Variants in LDLRAD4 observed in about 807,000 individuals in gnomAD.
LDLRAD4 encodes the protein low-density lipoprotein receptor class A domain-containing protein 4.
A neutral mutation model predicts 17.0 loss-of-function variants in LDLRAD4; 5 were observed. The observed-to-expected ratio is 0.29, with a 90% CI of 0.15 to 0.62. LDLRAD4 has a LOEUF of 0.62. LDLRAD4 is among the 20% of genes least tolerant of loss of function. The pLI, the probability that LDLRAD4 is intolerant of heterozygous loss-of-function variation, is 0.84. For missense variants in LDLRAD4, 340 were observed against 424.7 expected, an observed-to-expected ratio of 0.80 and a Z score of 1.75; for synonymous variants, 168 against 171.8, an observed-to-expected ratio of 0.98 and a Z score of 0.17.
At chr18:13,504,575 G>A (rs940010342) in intron 3 of LDLRAD4, among the ~76,000 whole-genome samples, 1 of 152,138 alleles carries the variant, frequency 6.6e-6, no homozygotes, top group African/African-American at 2.4e-5. Flanking sequence ...TTACAGGCAT[G>A]CGCTATCACG....
intron 1 of LDLRAD4, among the ~76,000 whole-genome samples, chr18:13,231,084 C>T (rs1467379136): frequency 1.3e-5 from 2 of 152,150 alleles, no homozygotes; most frequent in Admixed American, 6.5e-5. Flanking sequence ...CAGGGTGCTG[C>T]GGGGCTGCAG....
intron 1 of LDLRAD4, among the ~76,000 whole-genome samples, chr18:13,377,317 T>TA (rs2084992918): frequency 6.6e-6 from 1 of 152,218 alleles, no homozygotes; most frequent in African/African-American, 2.4e-5. Flanking sequence ...ATGAACTGAC[T>TA]AGGCTGCGTC....
intron 2 of LDLRAD4, among the ~76,000 whole-genome samples, chr18:13,388,085 T>C (rs572806856): frequency 1.4e-3 from 208 of 152,198 alleles, no homozygotes; most frequent in African/African-American, 4.6e-3. Context: ...TGAGCGAGGG[T>C]AGGGGAAGTG....
chr18:13,300,295 C>T lies in LDLRAD4; in HGVS notation c.-383+22107C>T, dbSNP rs548818586. ...TCTTCCCACTCTCCTGCCCACCCCG[C>T]GCCTGTGCTCTGCCTCAGCCACAAG... On this transcript the variant is annotated intron_variant, in intron 1 of 5. Transcript: ENST00000359446. The surrounding 1 kb of genome is among the most constrained non-coding windows in gnomAD (Gnocchi z 4.2). Among the ~76,000 whole-genome samples the T allele has an allele frequency of 7.9e-5, 12 of 152,338 alleles. No individual in the cohort carries two copies. Among genetic ancestry groups the T allele is most frequent in the Non-Finnish European group, 1.6e-4 (11 of 68,032 alleles).
chr18:13,221,784 C>A (rs1344314111), intron 1 of LDLRAD4, among the ~76,000 whole-genome samples: 1 of 152,164 alleles, frequency 6.6e-6, no homozygotes, highest in Non-Finnish European at 1.5e-5. Context: ...GCCTTTTAAG[C>A]TGTTTTTGTG....
intron 1 of LDLRAD4, among the ~76,000 whole-genome samples, chr18:13,297,763 G>A (rs1237246459): frequency 6.6e-6 from 1 of 152,236 alleles, no homozygotes; most frequent in Non-Finnish European, 1.5e-5. Flanking sequence ...TCCCACCACT[G>A]CACTCCAGCT....
At chr18:13,610,428 C>A (rs1255478265) in intron 3 of LDLRAD4, among the ~76,000 whole-genome samples, 1 of 151,776 alleles carries the variant, frequency 6.6e-6, no homozygotes, top group Non-Finnish European at 1.5e-5. Flanking sequence ...GCTGGGATCA[C>A]AGGCGTGTGC....
At chr18:13,339,105 G>A (rs2082245083) in intron 1 of LDLRAD4, among the ~76,000 whole-genome samples, 2 of 152,100 alleles carry the variant, frequency 1.3e-5, no homozygotes, top group South Asian at 2.1e-4. Context: ...ACTTTCCATT[G>A]CAGCTTGAGG....
At chr18:13,493,341 G>A (rs2093398121) in intron 3 of LDLRAD4, among the ~76,000 whole-genome samples, 1 of 152,100 alleles carries the variant, frequency 6.6e-6, no homozygotes, top group Admixed American at 6.6e-5. Context: ...TTGCATGACA[G>A]TTCTATGTAA....
chr18:13,604,814 C>T (rs572748168), intron 3 of LDLRAD4, among the ~76,000 whole-genome samples: 13 of 152,312 alleles, frequency 8.5e-5, no homozygotes, highest in Middle Eastern at 3.4e-3. Context: ...CACCCTCCCA[C>T]CCAGAAGATG....
intron 3 of LDLRAD4, among the ~76,000 whole-genome samples, chr18:13,464,717 CT>C (rs34872294): frequency 0.015 from 2,077 of 134,686 alleles, 36 homozygotes; most frequent in African/African-American, 0.044. Flanking sequence ...CAGAGCCTGA[CT>C]TTTTTTTTTT....
intron 3 of LDLRAD4, among the ~76,000 whole-genome samples, chr18:13,619,194 C>CA (rs1460906223): frequency 6.6e-6 from 1 of 152,188 alleles, no homozygotes; most frequent in African/African-American, 2.4e-5. Flanking sequence ...GCTCCGGACT[C>CA]AGCCTGGGAG....
chr18:13,478,203 C>T (rs759208485), intron 3 of LDLRAD4, among the ~76,000 whole-genome samples: 3 of 152,174 alleles, frequency 2.0e-5, no homozygotes, highest in African/African-American at 4.8e-5. Context: ...TTGGCATCAC[C>T]TGGGGCTTGT....
In LDLRAD4 at chr18:13,629,985, A is replaced by T. The variant is rs188254538; in HGVS notation, c.336+8714A>T. 1.7e-3 allele frequency among the ~76,000 whole-genome samples: 252 copies of T among 152,262 alleles called. 2 individuals carry two copies. The highest frequency in any genetic ancestry group is 5.9e-3 in the African/African-American group (243 of 41,528). ...GGCAACTGGTGCTGAAATCAGGATGATGCCTGCCTGGATCTTGTGTGGTTC... is the reference window on the plus strand; with the variant it reads ...GGCAACTGGTGCTGAAATCAGGATGTTGCCTGCCTGGATCTTGTGTGGTTC... On this transcript the variant is annotated intron_variant, in intron 4 of 5. Transcript: ENST00000359446.
intron 1 of LDLRAD4, among the ~76,000 whole-genome samples, chr18:13,386,368 A>G (rs930102321): frequency 8.6e-6 from 1 of 115,998 alleles, no homozygotes; most frequent in Non-Finnish European, 1.8e-5. Context: ...TTTTATTATT[A>G]TTCTATTTTT....
chr18:13,343,034 T>C (rs2082466145), intron 1 of LDLRAD4, among the ~76,000 whole-genome samples: 1 of 152,142 alleles, frequency 6.6e-6, no homozygotes, highest in East Asian at 1.9e-4. Flanking sequence ...TTTTTTGTGG[T>C]TACCTTGAGC....
chr18:13,374,076 T>C (rs918684580), intron 1 of LDLRAD4, among the ~76,000 whole-genome samples: 31 of 152,230 alleles, frequency 2.0e-4, no homozygotes, highest in African/African-American at 7.2e-4. Flanking sequence ...GCTTTTACCT[T>C]TTAGAGAAAT....
At chr18:13,458,226 C>T (rs1198347508) in intron 3 of LDLRAD4, among the ~76,000 whole-genome samples, 2 of 152,220 alleles carry the variant, frequency 1.3e-5, no homozygotes, top group African/African-American at 4.8e-5. Flanking sequence ...TCTGCTGACT[C>T]TGCGTGATGA....
At chr18:13,501,530 T>C (rs548750457) in intron 3 of LDLRAD4, among the ~76,000 whole-genome samples, 52 of 152,158 alleles carry the variant, frequency 3.4e-4, no homozygotes, top group African/African-American at 1.3e-3. Flanking sequence ...TTAATTCCTT[T>C]CTTTCTCTTT....
Sources: gnomAD v4.1 joint callset for allele counts (sites outside exome capture counted in the v4.1 genomes callset) on GRCh38, gnomAD v4.1.1 for gene constraint, Gnocchi (gnomAD v3.1) non-coding constraint, MANE v1.5 for transcripts, NCBI Gene and HGNC (gene_info 2026-07-23, HGNC 2026-07-21) for gene names.